The following KCNH7 variants were observed in gnomAD, a reference collection of about 807,000 sequenced individuals.
KCNH7 encodes voltage-gated inwardly rectifying potassium channel KCNH7.
Under a neutral mutation model 120.8 loss-of-function variants are expected in KCNH7, and 49 were observed. That is an observed-to-expected ratio of 0.41 (90% CI 0.32 to 0.51). The LOEUF (loss-of-function observed/expected upper bound fraction) is 0.51, where lower values mean the gene tolerates loss of function less well. Ranked by LOEUF, KCNH7 falls within the 20% of genes least tolerant of loss-of-function variation. The pLI is 0.38. For missense variants in KCNH7, 1,097 were observed against 1,446.6 expected (o/e 0.76, Z 3.92); for synonymous variants, 547 against 516.1 (o/e 1.06, Z -0.81).
intron 7 of KCNH7, among the ~76,000 whole-genome samples, chr2:162,440,510 T>C (rs1247046578): frequency 6.6e-6 from 1 of 152,064 alleles, no homozygotes; most frequent in African/African-American, 2.4e-5. Flanking sequence ...CTCAACAATA[T>C]CAGAAACTAG....
At chr2:162,378,789 C>A (rs189576388) in intron 14 of KCNH7, among the ~76,000 whole-genome samples, 10 of 152,282 alleles carry the variant, frequency 6.6e-5, no homozygotes, top group African/African-American at 2.2e-4. Context: ...GCTAATGAAA[C>A]ACATGGCTGT....
chr2:162,601,247 A>G (rs2105951680), intron 2 of KCNH7, among the ~76,000 whole-genome samples: 1 of 152,048 alleles, frequency 6.6e-6, no homozygotes, highest in Non-Finnish European at 1.5e-5. Context: ...GGCAAATACT[A>G]TCAGCAGACT....
chr2:162,784,480 AG>A (rs1683627107), intron 2 of KCNH7: 1 of 152,148 alleles, frequency 6.6e-6, no homozygotes, highest in African/African-American at 2.4e-5. Context: ...TCCTTACCAG[AG>A]ATGTATTAAT....
intron 8 of KCNH7, among the ~76,000 whole-genome samples, chr2:162,434,276 G>C (rs1252602226): frequency 6.6e-6 from 1 of 151,994 alleles, no homozygotes; most frequent in Admixed American, 6.6e-5. Flanking sequence ...TACCTATTGG[G>C]TACTATGCTC....
intron 2 of KCNH7, among the ~76,000 whole-genome samples, chr2:162,752,456 C>A (rs892783932): frequency 6.6e-6 from 1 of 152,120 alleles, no homozygotes; most frequent in African/African-American, 2.4e-5. Context: ...AACTTCATAT[C>A]ATATTTTGAA....
chr2:162,606,401 A>G (rs1461655149), intron 2 of KCNH7, among the ~76,000 whole-genome samples: 1 of 152,202 alleles, frequency 6.6e-6, no homozygotes, highest in Non-Finnish European at 1.5e-5. Flanking sequence ...TAAAATCATC[A>G]TTGATTTAAC....
chr2:162,509,881 C>G (rs1691009326), intron 5 of KCNH7, among the ~76,000 whole-genome samples: 1 of 151,484 alleles, frequency 6.6e-6, no homozygotes, highest in Non-Finnish European at 1.5e-5. Flanking sequence ...ACACCAATGT[C>G]AGAGGGAAGC....
At chr2:162,496,939 T>A (rs1403897284) in intron 6 of KCNH7, 1 of 152,196 alleles carries the variant, frequency 6.6e-6, no homozygotes, top group African/African-American at 2.4e-5. Flanking sequence ...TACTAATATC[T>A]ACGGCCATAC....
intron 2 of KCNH7, among the ~76,000 whole-genome samples, chr2:162,756,613 T>A (rs780171112): frequency 1.3e-5 from 2 of 152,074 alleles, no homozygotes; most frequent in Non-Finnish European, 2.9e-5. Flanking sequence ...TACAGGGACC[T>A]GCCACCATGC....
intron 2 of KCNH7, among the ~76,000 whole-genome samples, chr2:162,689,995 T>C (rs1686043285): frequency 1.3e-5 from 2 of 152,082 alleles, no homozygotes; most frequent in South Asian, 2.1e-4. Context: ...TCACCAATGA[T>C]AGACTGGATA....
intron 2 of KCNH7, among the ~76,000 whole-genome samples, chr2:162,589,839 T>A (rs1301099156): frequency 6.6e-6 from 1 of 152,160 alleles, no homozygotes; most frequent in Admixed American, 6.5e-5. Flanking sequence ...GAAAGTACTA[T>A]GTCTGCTACT....
chr2:162,718,935 T>C (rs937170253), intron 2 of KCNH7, among the ~76,000 whole-genome samples: 3 of 151,824 alleles, frequency 2.0e-5, no homozygotes, highest in African/African-American at 7.3e-5. Flanking sequence ...ATTTTAAGAG[T>C]CAGAGTTAAA....
chr2:162,630,890 G>A (rs767273371), intron 2 of KCNH7, among the ~76,000 whole-genome samples: 1 of 152,030 alleles, frequency 6.6e-6, no homozygotes, highest in Non-Finnish European at 1.5e-5. Context: ...CTGTCTTGGT[G>A]TTCTGCCAGT....
intron 6 of KCNH7, among the ~76,000 whole-genome samples, chr2:162,453,299 T>A (rs1377804219): frequency 6.6e-6 from 1 of 152,164 alleles, no homozygotes; most frequent in Non-Finnish European, 1.5e-5. Flanking sequence ...GATCTCATTC[T>A]TTTTTATGGC....
At chr2:162,775,814 G>C in intron 2 of KCNH7, among the ~76,000 whole-genome samples, 1 of 152,158 alleles carries the variant, frequency 6.6e-6, no homozygotes. Context: ...ATACTGTGTA[G>C]AATAAAGTGC....
At chr2:162,801,337 A>G (rs1684341205) in intron 2 of KCNH7, among the ~76,000 whole-genome samples, 1 of 151,766 alleles carries the variant, frequency 6.6e-6, no homozygotes, top group African/African-American at 2.4e-5. Context: ...TAACTGCAGG[A>G]ATAGCAATTC....
intron 6 of KCNH7, among the ~76,000 whole-genome samples, chr2:162,490,254 C>A (rs141999454): frequency 1.3e-5 from 2 of 152,200 alleles, no homozygotes; most frequent in Admixed American, 1.3e-4. Flanking sequence ...TTAGGTGGAG[C>A]CACCGGGAAT....
At chr2:162,599,827 C>T (rs986082093) in intron 2 of KCNH7, among the ~76,000 whole-genome samples, 8 of 152,024 alleles carry the variant, frequency 5.3e-5, no homozygotes, top group African/African-American at 1.7e-4. Context: ...GTACAATACA[C>T]AATTATGCTA....
At chr2:162,777,902 T>C (rs779525786) in intron 2 of KCNH7, among the ~76,000 whole-genome samples, 14 of 152,160 alleles carry the variant, frequency 9.2e-5, no homozygotes, top group Non-Finnish European at 1.2e-4. Context: ...ATGTAATAAG[T>C]TGAAGCAGAT....
Sources: allele counts gnomAD v4.1 joint callset (sites outside exome capture counted in the v4.1 genomes callset), GRCh38; gene constraint gnomAD v4.1.1; transcripts MANE v1.5; gene names NCBI Gene and HGNC (gene_info 2026-07-23, HGNC 2026-07-21).